EXOC6B: variants seen among roughly 807,000 people sequenced by gnomAD.
EXOC6B encodes SEC15 homolog B.
Under a neutral mutation model 113.5 loss-of-function variants are expected in EXOC6B, and 54 were observed. The observed-to-expected ratio is 0.48, with a 90% CI of 0.38 to 0.60. The LOEUF (loss-of-function observed/expected upper bound fraction) is 0.60, where lower values mean the gene tolerates loss of function less well. Ranked by LOEUF, EXOC6B falls within the 20% of genes least tolerant of loss-of-function variation. EXOC6B has a pLI of 0.00. For synonymous variants in EXOC6B, 357 were observed against 339.0 expected (o/e 1.05, Z -0.58); for missense variants, 797 against 977.5 (o/e 0.82, Z 2.46).
chr2:72,371,899 T>G (rs1028833940), intron 19 of EXOC6B, among the ~76,000 whole-genome samples: 6 of 152,134 alleles, frequency 3.9e-5, no homozygotes, highest in Admixed American at 6.5e-5. Context: ...TATCATTGTT[T>G]GCAGATGATA....
At chr2:72,447,993 C>T (rs962541559) in intron 18 of EXOC6B, among the ~76,000 whole-genome samples, 2 of 152,082 alleles carry the variant, frequency 1.3e-5, no homozygotes, top group African/African-American at 4.8e-5. Flanking sequence ...AAATGACTGC[C>T]CCTAAATGCA....
At chr2:72,358,756 G>T (rs1308604783) in intron 19 of EXOC6B, among the ~76,000 whole-genome samples, 1 of 152,108 alleles carries the variant, frequency 6.6e-6, no homozygotes, top group Non-Finnish European at 1.5e-5. Context: ...GTGGTAGGAT[G>T]TATGCACTAA....
chr2:72,671,791 G>GAAAGAAAGAAAGAAAGAAAGAAAGAA (rs1675869473), intron 6 of EXOC6B, among the ~76,000 whole-genome samples: 87 of 107,288 alleles, frequency 8.1e-4, no homozygotes, highest in African/African-American at 3.6e-3. Flanking sequence ...AAGAAAGAAA[G>GAAAGAAAGAAAGAAAGAAAGAAAGAA]AAAGAAAGAA....
intron 20 of EXOC6B, among the ~76,000 whole-genome samples, chr2:72,284,176 A>G (rs545750312): frequency 1.3e-5 from 2 of 152,302 alleles, no homozygotes; most frequent in East Asian, 3.9e-4. Context: ...AGATATTACA[A>G]GAAAACTACA....
At chr2:72,633,147 G>A (rs1308569298) in intron 6 of EXOC6B, among the ~76,000 whole-genome samples, 1 of 152,066 alleles carries the variant, frequency 6.6e-6, no homozygotes, top group African/African-American at 2.4e-5. Context: ...TTCTGCCTTT[G>A]TGATCAAATA....
intron 6 of EXOC6B, among the ~76,000 whole-genome samples, chr2:72,693,200 A>G (rs1401285590): frequency 6.6e-6 from 1 of 152,094 alleles, no homozygotes; most frequent in Non-Finnish European, 1.5e-5. Context: ...AAAATATAAC[A>G]CATCTCAGAA....
At chr2:72,305,533 T>G (rs771685567) in intron 20 of EXOC6B, among the ~76,000 whole-genome samples, 1 of 152,098 alleles carries the variant, frequency 6.6e-6, no homozygotes, top group Non-Finnish European at 1.5e-5. Context: ...CAGCTCAGAA[T>G]GCAAAGTAGA....
At position 72,576,345 on chromosome 2, in the gene EXOC6B, T is replaced by TA. The variant is rs904698345; in HGVS notation, c.670-678dup. Among the ~76,000 whole-genome samples the TA allele has an allele frequency of 3.3e-4, 50 of 150,924 alleles. No individual in the cohort carries two copies. The East Asian group carries it at 5.2e-3, about 16-fold the overall frequency. ...AAAAGGTAGTATAATCCCTTCAGCT[T>TA]AAAAAAAAATAGACTGACATGGTGG... On this transcript the variant is annotated intron_variant, in intron 6 of 21. Coordinates refer to ENST00000272427, the MANE Select transcript of EXOC6B (RefSeq NM_015189.3).
intron 19 of EXOC6B, among the ~76,000 whole-genome samples, chr2:72,379,196 A>G (rs1691535267): frequency 6.6e-6 from 1 of 152,186 alleles, no homozygotes. Context: ...TAATGACATC[A>G]CTGAGCAACT....
intron 19 of EXOC6B, among the ~76,000 whole-genome samples, chr2:72,343,859 C>A (rs1222260625): frequency 6.6e-6 from 1 of 152,096 alleles, no homozygotes; most frequent in East Asian, 1.9e-4. Flanking sequence ...TATTAAGGAT[C>A]TTTTCTATGT....
At chr2:72,770,433 C>T (rs1323364990) in intron 1 of EXOC6B, among the ~76,000 whole-genome samples, 1 of 152,124 alleles carries the variant, frequency 6.6e-6, no homozygotes, top group Non-Finnish European at 1.5e-5. Context: ...AAATACAGCT[C>T]ATCTGTCACA....
intron 18 of EXOC6B, among the ~76,000 whole-genome samples, chr2:72,409,249 A>T (rs1303787309): frequency 6.6e-6 from 1 of 152,222 alleles, no homozygotes; most frequent in East Asian, 1.9e-4. Flanking sequence ...AGATACAGGA[A>T]CACTTTTACA....
rs919543859 is a variant in EXOC6B at position 72,368,395 on chromosome 2, C to A, written c.2122+11334G>T. Among the ~76,000 whole-genome samples, 6 of 152,064 alleles carry A rather than the reference C, an allele frequency of 3.9e-5. No homozygotes were observed. In the South Asian group the frequency reaches 6.2e-4, roughly 16 times the overall value. On this transcript the variant is annotated intron_variant, in intron 19 of 21. Transcript: ENST00000272427. ...TAATAGCTTACCAGCCAAAAAAAGTCCAGGACCAGAGGGATTCACAGCCAA... is the reference window on the plus strand; with the variant it reads ...TAATAGCTTACCAGCCAAAAAAAGTACAGGACCAGAGGGATTCACAGCCAA...
intron 6 of EXOC6B, among the ~76,000 whole-genome samples, chr2:72,600,492 T>G (rs977752450): frequency 2.7e-5 from 4 of 148,506 alleles, no homozygotes; most frequent in African/African-American, 4.9e-5. Context: ...TGTGTGATAT[T>G]GGCAAAAGAA....
intron 6 of EXOC6B, among the ~76,000 whole-genome samples, chr2:72,707,559 G>A (rs1678969938): frequency 6.6e-6 from 1 of 151,764 alleles, no homozygotes; most frequent in African/African-American, 2.4e-5. Flanking sequence ...GATTACAGGT[G>A]CCAGCCATCA....
chr2:72,295,308 AACT>A (rs1383341957), intron 20 of EXOC6B, among the ~76,000 whole-genome samples: 1 of 152,160 alleles, frequency 6.6e-6, no homozygotes, highest in Non-Finnish European at 1.5e-5. Context: ...ACTTCTATAC[AACT>A]ACATCCTTTT....
chr2:72,384,827 T>C (rs974957859), intron 18 of EXOC6B, among the ~76,000 whole-genome samples: 3 of 151,964 alleles, frequency 2.0e-5, no homozygotes, highest in African/African-American at 4.8e-5. Context: ...TTTGTATATT[T>C]AAAAGTATAA....
At chr2:72,381,169 T>G (rs1558611150) in intron 18 of EXOC6B, among the ~76,000 whole-genome samples, 3 of 152,188 alleles carry the variant, frequency 2.0e-5, no homozygotes, top group Admixed American at 2.0e-4. Context: ...TATGCTGTAT[T>G]ATTTTACATA....
At chr2:72,489,065 T>C (rs1274503192) in intron 16 of EXOC6B, among the ~76,000 whole-genome samples, 1 of 152,116 alleles carries the variant, frequency 6.6e-6, no homozygotes, top group East Asian at 1.9e-4. Context: ...GGCTCTAATC[T>C]CTACCTGAAA....
Sources: allele counts gnomAD v4.1 joint callset (sites outside exome capture counted in the v4.1 genomes callset), GRCh38; gene constraint gnomAD v4.1.1; transcripts MANE v1.5; gene names NCBI Gene and HGNC (gene_info 2026-07-23, HGNC 2026-07-21).